TRIM29: variants seen among roughly 807,000 people sequenced by gnomAD.
TRIM29 encodes the protein tripartite motif-containing protein 29.
In TRIM29, 52 loss-of-function variants were observed where a neutral mutation model predicts 57.3. That is an observed-to-expected ratio of 0.91 (90% CI 0.73 to 1.14). The LOEUF is 1.14. Among genes scored for constraint, TRIM29 ranks in the 50% most tolerant of loss-of-function variants. TRIM29 has a pLI of 0.00. For synonymous variants in TRIM29, 319 were observed against 316.9 expected (o/e 1.01, Z -0.07); for missense variants, 753 against 774.6 (o/e 0.97, Z 0.33).
chr11:120,119,346 G>T (rs1305699318), intron 6 of TRIM29, among the ~76,000 whole-genome samples: 1 of 152,172 alleles, frequency 6.6e-6, no homozygotes, highest in African/African-American at 2.4e-5. Flanking sequence ...CTGTGGGGAG[G>T]GCTGGGGGCT....
chr11:120,113,210 C>A (rs986295086), intron 8 of TRIM29, among the ~76,000 whole-genome samples: 2 of 152,314 alleles, frequency 1.3e-5, no homozygotes, highest in Non-Finnish European at 2.9e-5. Context: ...TGTTCCTCTT[C>A]CCCCAGCCAT....
intron 8 of TRIM29, among the ~76,000 whole-genome samples, chr11:120,115,123 G>C (rs906387872): frequency 2.6e-5 from 4 of 152,358 alleles, no homozygotes; most frequent in African/African-American, 9.6e-5. Flanking sequence ...GAGGTCCAGA[G>C]AGTGTATGCT....
At chr11:120,121,778 A>G (rs1008140502) in intron 5 of TRIM29, 9 of 331,312 alleles carry the variant, frequency 2.7e-5, no homozygotes, top group Middle Eastern at 2.2e-3. Flanking sequence ...TCTCCTACAG[A>G]GCAGGAGAGA....
chr11:120,112,299 C>G lies in TRIM29; in HGVS notation c.*115G>C. ...GAGGCTGGCAGAGGGCTGCAGAGGG[C>G]AGGTGCAGGACCAGGCTCCCTCCCA... On this transcript the variant is annotated 3_prime_UTR_variant, in exon 9 of 9. Transcript: ENST00000341846. The G allele has an allele frequency of 7.9e-7, 1 of 1,259,970 alleles. No individual in the cohort carries two copies. The highest frequency in any genetic ancestry group is 2.3e-4 in the Middle Eastern group (1 of 4,442). The allele number at this position is 1,259,970 out of a possible 1,614,324, so 78.0% of individuals were successfully genotyped here.
At chr11:120,122,493 G>A (rs1863481133) in intron 5 of TRIM29, among the ~76,000 whole-genome samples, 1 of 152,182 alleles carries the variant, frequency 6.6e-6, no homozygotes, top group Non-Finnish European at 1.5e-5. Flanking sequence ...CTCAGAAGAG[G>A]AGGGACCACT....
At chr11:120,124,894 CA>C (rs1329028815) in intron 4 of TRIM29, 2 of 152,174 alleles carry the variant, frequency 1.3e-5, no homozygotes, top group Admixed American at 6.5e-5. Flanking sequence ...GGAGAGCAAT[CA>C]GGGGTCCTTT....
rs1053058938 is a variant in TRIM29 at position 120,127,636 on chromosome 11, G to A, written c.901-67C>T. On this transcript the variant is annotated intron_variant, in intron 2 of 8. Coordinates refer to ENST00000341846, the MANE Select transcript of TRIM29 (RefSeq NM_012101.4). ...GTTAGGGAAAGAAATCACCCTAGTC[G>A]GGTATGTCTTTAGGTTTCCAGCACA... 3.2e-5 allele frequency: 46 copies of A among 1,441,534 alleles called. No individual in the cohort carries two copies. The African/African-American group carries it at 4.7e-4, about 15-fold the overall frequency. 89.3% of individuals were successfully genotyped at this position (1,441,534 alleles called of 1,614,324 possible). A position where few individuals can be genotyped will look rare whatever the true frequency, so the allele number is the denominator to read the frequency against.
intron 7 of TRIM29, 32 bp from the exon 8 acceptor site, chr11:120,115,446 G>A: frequency 2.5e-6 from 4 of 1,602,960 alleles, no homozygotes; most frequent in Non-Finnish European, 3.4e-6. Context: ...GTCAAAGGGA[G>A]CAGCGCTGGT....
In TRIM29 at chr11:120,125,725, G is replaced by A. The variant is rs1863573065; in HGVS notation, c.1299C>T (p.Ser433=). ...HVEKMCKADL[S]RNFIERNHME... ...TGTGGTTCCTCTCAATGAAGTTACG[G>A]CTCAGGTCCGCCTTGCACATCTTCT... Residue 433 remains serine (S), a synonymous_variant, in exon 4 of 9, where the codon AGC becomes AGT. Coordinates refer to ENST00000341846, the MANE Select transcript of TRIM29 (RefSeq NM_012101.4). 6.2e-7 allele frequency: 1 copy of A among 1,614,042 alleles called. No homozygotes were observed. Among genetic ancestry groups the A allele is most frequent in the Admixed American group, 1.7e-5 (1 of 60,004 alleles).
intron 1 of TRIM29, among the ~76,000 whole-genome samples, chr11:120,132,195 G>A (rs767915898): frequency 6.6e-5 from 10 of 151,536 alleles, no homozygotes; most frequent in Non-Finnish European, 1.5e-4. Context: ...CACTTTGGCA[G>A]TTCCATCTCT....
chr11:120,118,371 A>T, intron 6 of TRIM29, 50 bp from the exon 7 acceptor site: 1 of 1,451,766 alleles, frequency 6.9e-7, no homozygotes, highest in Non-Finnish European at 9.5e-7. Context: ...GGAGTGGGAG[A>T]GGAGGCAGGA....
At position 120,138,006 on chromosome 11, in the gene TRIM29, C is replaced by T. The variant is rs1298028617; in HGVS notation, c.26G>A (p.Ser9Asn). 1.9e-6 allele frequency: 3 copies of T among 1,600,234 alleles called. No individual in the cohort carries two copies. Among genetic ancestry groups the T allele is most frequent in the African/African-American group, 2.7e-5 (2 of 75,052 alleles). MEAADASR[S>N]NGSSPEARDA... Reference sequence around the variant, plus strand: ...CCTGGCTTCTGGGCTCGACCCGTTGCTCCTGGAGGCATCTGCAGCTTCCAT... The same window carrying T: ...CCTGGCTTCTGGGCTCGACCCGTTGTTCCTGGAGGCATCTGCAGCTTCCAT... Residue 9 changes from serine (S) to asparagine (N), a missense_variant, in exon 1 of 9, where the codon AGC becomes AAC. Physicochemically the swap from Ser to Asn is conservative, Grantham distance 46. Coordinates refer to ENST00000341846, the MANE Select transcript of TRIM29 (RefSeq NM_012101.4).
At position 120,125,901 on chromosome 11, in the gene TRIM29, G is replaced by C; in HGVS notation, c.1135-12C>G. 2 of 1,610,002 alleles carry C rather than the reference G, an allele frequency of 1.2e-6. No homozygotes were observed. On this transcript the variant is annotated splice_polypyrimidine_tract_variant and intron_variant, in intron 3 of 8. Transcript: ENST00000341846. ...AATGCACCAAATTCCTACCAAGAAA[G>C]GAAAGAACCATTAACTGCCTGGGTC...
rs59059947 is a variant in TRIM29 at position 120,137,570 on chromosome 11, G to C, written c.462C>G (p.Pro154=). Reference sequence around the variant, plus strand: ...GTGAAAAAAGGCCCGTGTCGGCCCGGGGGTAGCTGTTCCGCCGGGTCTCCC... The same window carrying C: ...GTGAAAAAAGGCCCGTGTCGGCCCGCGGGTAGCTGTTCCGCCGGGTCTCCC... ...EPGETRRNSY[P]RADTGLFSRS... Residue 154 remains proline (P), a synonymous_variant, in exon 1 of 9, where the codon CCC becomes CCG. Transcript: ENST00000341846. The surrounding 1 kb of genome is among the most constrained non-coding windows in gnomAD (Gnocchi z 6.2). 1.0e-3 allele frequency: 1,610 copies of C among 1,612,356 alleles called. 9 individuals are homozygous for C. In the African/African-American group the frequency reaches 0.014, roughly 14 times the overall value.
intron 5 of TRIM29, among the ~76,000 whole-genome samples, chr11:120,122,324 G>A (rs1423444072): frequency 6.6e-6 from 1 of 152,122 alleles, no homozygotes; most frequent in African/African-American, 2.4e-5. Flanking sequence ...TATGTAACGG[G>A]TATTGCTGTG....
At chr11:120,129,467 C>G (rs1419233880) in intron 1 of TRIM29, among the ~76,000 whole-genome samples, 1 of 152,108 alleles carries the variant, frequency 6.6e-6, no homozygotes, top group African/African-American at 2.4e-5. Flanking sequence ...TCCAGATCTC[C>G]CCACTACCAC....
At position 120,137,189 on chromosome 11, in the gene TRIM29, G is replaced by A. The variant is rs1411169728; in HGVS notation, c.804+39C>T. On this transcript the variant is annotated intron_variant, in intron 1 of 8. Transcript: ENST00000341846. This position sits in a 1 kb window ranked among gnomAD's most constrained non-coding sequence, Gnocchi z 6.2. ...AAGTTCGGAGGGGTGGGGTGAGAGA[G>A]GAGAGGCCTGGAGGGGCAGGAGGGG... The A allele has an allele frequency of 6.2e-7, 1 of 1,604,768 alleles. No homozygotes were observed. Among genetic ancestry groups the A allele is most frequent in the South Asian group, 1.1e-5 (1 of 90,400 alleles).
chr11:120,137,325 CA>C lies in TRIM29; in HGVS notation c.706del (p.Cys236AlafsTer23). ...PVHGKTMELF[C>X]QTDQTCICYL... is the part of the protein sequence containing the mutation. Reference sequence around the variant, plus strand: ...GCAGATGCAGGTCTGGTCGGTCTGGCAGAAGAGCTCCATCGTCTTGCCATGC... The same window carrying C: ...GCAGATGCAGGTCTGGTCGGTCTGGCGAAGAGCTCCATCGTCTTGCCATGC... On this transcript the variant is annotated frameshift_variant, in exon 1 of 9. Transcript: ENST00000341846. LOFTEE classifies it high-confidence loss of function. The surrounding 1 kb of genome is among the most constrained non-coding windows in gnomAD (Gnocchi z 6.2). 6.2e-7 allele frequency: 1 copy of C among 1,614,116 alleles called. No homozygotes were observed. The highest frequency in any genetic ancestry group is 8.5e-7 in the Non-Finnish European group (1 of 1,180,018).
At chr11:120,124,210 A>G (rs1863530041) in intron 4 of TRIM29, 1 of 152,432 alleles carries the variant, frequency 6.6e-6, no homozygotes, top group Non-Finnish European at 1.5e-5. Flanking sequence ...GGCCGTGGCC[A>G]GCATTGTGAC....
Sources: allele counts gnomAD v4.1 joint callset (sites outside exome capture counted in the v4.1 genomes callset), GRCh38; gene constraint gnomAD v4.1.1; non-coding constraint Gnocchi (gnomAD v3.1); transcripts MANE v1.5; gene names NCBI Gene and HGNC (gene_info 2026-07-23, HGNC 2026-07-21).